The following FAM135A variants were observed in gnomAD, a reference collection of about 807,000 sequenced individuals.
FAM135A encodes the protein protein FAM135A.
Under a neutral mutation model 146.8 loss-of-function variants are expected in FAM135A, and 79 were observed. The ratio of observed to expected loss-of-function variants is 0.54; its 90% CI spans 0.45 to 0.65. FAM135A has a LOEUF of 0.65. Ranked by LOEUF, FAM135A falls within the 30% of genes least tolerant of loss-of-function variation. The pLI is 0.00. For synonymous variants in FAM135A, 562 were observed against 603.6 expected, an observed-to-expected ratio of 0.93 and a Z score of 1.01; for missense variants, 1,623 against 1,758.2, an observed-to-expected ratio of 0.92 and a Z score of 1.38.
chr6:70,457,984 G>C (rs1191804529), intron 5 of FAM135A, among the ~76,000 whole-genome samples: 1 of 152,010 alleles, frequency 6.6e-6, no homozygotes, highest in Non-Finnish European at 1.5e-5. Flanking sequence ...TGATCTGATA[G>C]TTTACTAGTA....
intron 12 of FAM135A, among the ~76,000 whole-genome samples, chr6:70,510,426 G>T (rs546995242): frequency 2.0e-5 from 3 of 151,926 alleles, no homozygotes; most frequent in Non-Finnish European, 4.4e-5. Context: ...AAAGGAAACC[G>T]TGTACACATT....
Position 70,525,566 on chromosome 6 carries a change from A to G in FAM135A, c.2482A>G (p.Ser828Gly), listed in dbSNP as rs1329696546. The G allele has an allele frequency of 8.7e-6, 14 of 1,613,598 alleles. No individual in the cohort carries two copies. Among genetic ancestry groups the G allele is most frequent in the South Asian group, 5.5e-5 (5 of 91,058 alleles). ...SLGNHCTEST[S>G]AISEIQSSLT... ...AGGAAATCATTGTACTGAGAGTACA[A>G]GTGCTATAAGTGAAATACAGTCATC... The change falls in exon 15 of 22, where the codon AGT becomes GGT. Residue 828 changes from serine to glycine, a missense_variant. Transcript: ENST00000418814.
intron 20 of FAM135A, among the ~76,000 whole-genome samples, chr6:70,546,931 A>G (rs994487490): frequency 1.3e-5 from 2 of 152,226 alleles, no homozygotes; most frequent in Admixed American, 6.5e-5. Context: ...ATATATAGAC[A>G]TTAGATGACA....
chr6:70,500,644 G>T (rs572577948), intron 11 of FAM135A, among the ~76,000 whole-genome samples: 1 of 152,268 alleles, frequency 6.6e-6, no homozygotes, highest in South Asian at 2.1e-4. Context: ...TGAGGCTGAT[G>T]GCCTTTGGAT....
chr6:70,557,694 CAAAAAAAAAAA>C (rs1177559650), intron 21 of FAM135A: 3 of 58,136 alleles, frequency 5.2e-5, no homozygotes, highest in South Asian at 8.7e-4. Context: ...AACTCTGTCT[CAAAAAAAAAAA>C]AAAAAAAAAA....
At chr6:70,523,141 T>C (rs921529196) in intron 13 of FAM135A, among the ~76,000 whole-genome samples, 2 of 135,924 alleles carry the variant, frequency 1.5e-5, no homozygotes, top group South Asian at 2.2e-4. Flanking sequence ...TATGAAGTTA[T>C]AAACAAGCAA....
At chr6:70,517,940 AT>A (rs1792668388) in intron 12 of FAM135A, among the ~76,000 whole-genome samples, 1 of 152,156 alleles carries the variant, frequency 6.6e-6, no homozygotes, top group African/African-American at 2.4e-5. Context: ...CAATATTTAA[AT>A]TAGGCCAGTT....
At chr6:70,541,105 G>A (rs1388379176) in intron 20 of FAM135A, among the ~76,000 whole-genome samples, 1 of 152,022 alleles carries the variant, frequency 6.6e-6, no homozygotes, top group South Asian at 2.1e-4. Flanking sequence ...CTCTGTTTTG[G>A]AACTCATACC....
chr6:70,534,437 A>T (rs1796433198), intron 18 of FAM135A, among the ~76,000 whole-genome samples: 1 of 148,466 alleles, frequency 6.7e-6, no homozygotes, highest in South Asian at 2.1e-4. Flanking sequence ...CTCCCACCTC[A>T]GCCCCCCAAG....
chr6:70,465,418 A>G (rs907497177), intron 5 of FAM135A, among the ~76,000 whole-genome samples: 3 of 151,970 alleles, frequency 2.0e-5, no homozygotes, highest in African/African-American at 4.8e-5. Context: ...TAGTAGTTCT[A>G]TTTTTATTAT....
chr6:70,479,695 G>GT (rs1274273876), intron 8 of FAM135A, among the ~76,000 whole-genome samples: 4 of 151,830 alleles, frequency 2.6e-5, no homozygotes, highest in African/African-American at 9.7e-5. Context: ...TTATTGGTGG[G>GT]TTTTTTTATC....
At chr6:70,431,762 A>G (rs1477685969) in intron 4 of FAM135A, among the ~76,000 whole-genome samples, 1 of 152,222 alleles carries the variant, frequency 6.6e-6, no homozygotes, top group Non-Finnish European at 1.5e-5. Context: ...GCAATTCAGT[A>G]TTGGAGTTAG....
chr6:70,466,376 T>G (rs1179517132), intron 5 of FAM135A, among the ~76,000 whole-genome samples: 1 of 152,188 alleles, frequency 6.6e-6, no homozygotes, highest in Admixed American at 6.5e-5. Context: ...ATAACTATAT[T>G]CCAAGGAAAT....
At chr6:70,484,191 C>A (rs1167503104) in intron 10 of FAM135A, among the ~76,000 whole-genome samples, 1 of 152,112 alleles carries the variant, frequency 6.6e-6, no homozygotes, top group East Asian at 1.9e-4. Flanking sequence ...CCTCTCACAG[C>A]AACAGTATTA....
intron 11 of FAM135A, among the ~76,000 whole-genome samples, chr6:70,494,075 GAT>G (rs1786675181): frequency 7.7e-6 from 1 of 130,236 alleles, no homozygotes; most frequent in Admixed American, 7.6e-5. Flanking sequence ...AAAAAAAAAA[GAT>G]GTTTTAAACA....
At chr6:70,465,677 T>C (rs921698159) in intron 5 of FAM135A, among the ~76,000 whole-genome samples, 61 of 152,160 alleles carry the variant, frequency 4.0e-4, no homozygotes, top group African/African-American at 1.2e-3. Context: ...ACACACTGTG[T>C]GTGGCCAGTC....
chr6:70,486,389 A>T (rs867841644), intron 10 of FAM135A: 1 of 644,802 alleles, frequency 1.6e-6, no homozygotes, highest in Non-Finnish European at 2.5e-6. Flanking sequence ...TTTAAAATCA[A>T]TTTGGTTTGT....
rs1312356471 is a variant in FAM135A at position 70,525,033 on chromosome 6, C to A, written c.1949C>A (p.Pro650Gln). 1 of 1,596,192 alleles carries A rather than the reference C, an allele frequency of 6.3e-7. No homozygotes were observed. Among genetic ancestry groups the A allele is most frequent in the East Asian group, 2.2e-5 (1 of 44,806 alleles). ...SDDCHDHQTT[P>Q]SLGVRTIEIK... ...GATTGCCATGATCATCAAACAACCC[C>A]ATCTTTGGGAGTTAGAACAATTGAA... The change falls in exon 15 of 22, where the codon CCA becomes CAA. Residue 650 changes from proline (P) to glutamine (Q), a missense_variant. Coordinates refer to ENST00000418814, the MANE Select transcript of FAM135A (RefSeq NM_001162529.3).
chr6:70,422,194 C>G (rs1769000369), intron 2 of FAM135A, among the ~76,000 whole-genome samples: 2 of 152,092 alleles, frequency 1.3e-5, no homozygotes, highest in South Asian at 2.1e-4. Context: ...TTCCAACTAC[C>G]TCTTGAAAAT....
Sources: gnomAD v4.1 joint callset for allele counts (sites outside exome capture counted in the v4.1 genomes callset) on GRCh38, gnomAD v4.1.1 for gene constraint, MANE v1.5 for transcripts, NCBI Gene and HGNC (gene_info 2026-07-23, HGNC 2026-07-21) for gene names.